The following RUFY3 variants were observed in gnomAD, a reference collection of about 807,000 sequenced individuals.
RUFY3 encodes RUN and FYVE domain containing 3.
A neutral mutation model predicts 84.0 loss-of-function variants in RUFY3; 34 were observed. The ratio of observed to expected loss-of-function variants is 0.40; its 90% CI spans 0.31 to 0.54. The LOEUF is 0.54. RUFY3 is among the 20% of genes least tolerant of loss of function. The pLI is 0.39. For missense variants in RUFY3, 507 were observed against 736.8 expected, an observed-to-expected ratio of 0.69 and a Z score of 3.61; for synonymous variants, 242 against 252.9, an observed-to-expected ratio of 0.96 and a Z score of 0.41.
At chr4:70,758,571 A>G (rs923839185) in intron 1 of RUFY3, among the ~76,000 whole-genome samples, 1 of 152,108 alleles carries the variant, frequency 6.6e-6, no homozygotes, top group African/African-American at 2.4e-5. Flanking sequence ...TCTTTTTAAA[A>G]TTTTTGATGT....
At chr4:70,778,704 C>T (rs1476819040) in intron 8 of RUFY3, among the ~76,000 whole-genome samples, 7 of 151,714 alleles carry the variant, frequency 4.6e-5, no homozygotes, top group African/African-American at 7.3e-5. Flanking sequence ...CTCAGCCTCC[C>T]GAGTAGCTGG....
intron 1 of RUFY3, among the ~76,000 whole-genome samples, chr4:70,742,171 A>G (rs1031012918): frequency 6.6e-6 from 1 of 152,104 alleles, no homozygotes; most frequent in African/African-American, 2.4e-5. Context: ...TCTTCTTCAT[A>G]CAAGAGACTG....
chr4:70,708,702 A>G (rs529630699), intron 1 of RUFY3, among the ~76,000 whole-genome samples: 31 of 152,302 alleles, frequency 2.0e-4, no homozygotes, highest in African/African-American at 7.2e-4. Flanking sequence ...ATTAAATTTT[A>G]CATTTGAGTT....
At chr4:70,779,247 G>A (rs1311238643) in intron 8 of RUFY3, among the ~76,000 whole-genome samples, 3 of 152,280 alleles carry the variant, frequency 2.0e-5, no homozygotes, top group South Asian at 4.1e-4. Flanking sequence ...TACAAATCAT[G>A]CTTATGTAAC....
At chr4:70,768,491 T>G in intron 4 of RUFY3, 47 bp from the exon 5 acceptor site, 6 of 1,596,594 alleles carry the variant, frequency 3.8e-6, no homozygotes, top group Non-Finnish European at 5.1e-6. Flanking sequence ...TCTCTGGATT[T>G]TTGAGATTTT....
intron 1 of RUFY3, among the ~76,000 whole-genome samples, chr4:70,754,924 AC>A (rs1184648779): frequency 6.9e-6 from 1 of 145,542 alleles, no homozygotes; most frequent in African/African-American, 2.6e-5. Flanking sequence ...TTTTCTTGAG[AC>A]GGGGGTATCA....
chr4:70,762,751 A>C (rs1264585998), intron 2 of RUFY3, 59 bp downstream of exon 2: 38 of 1,388,230 alleles, frequency 2.7e-5, no homozygotes, highest in Non-Finnish European at 3.5e-5. Flanking sequence ...AATGCATACT[A>C]TAGAAGAAAG....
intron 7 of RUFY3, among the ~76,000 whole-genome samples, chr4:70,776,618 C>A (rs185598179): frequency 2.9e-4 from 44 of 151,826 alleles, no homozygotes; most frequent in Middle Eastern, 3.4e-3. Context: ...ACTAAAAATA[C>A]AAAAAAAATT....
chr4:70,776,260 T>C (rs1727949524), intron 7 of RUFY3, among the ~76,000 whole-genome samples: 1 of 152,180 alleles, frequency 6.6e-6, no homozygotes, highest in African/African-American at 2.4e-5. Flanking sequence ...AATAATAAAA[T>C]AAAACAACTT....
chr4:70,745,141 T>G, intron 1 of RUFY3, among the ~76,000 whole-genome samples: 1 of 151,384 alleles, frequency 6.6e-6, no homozygotes, highest in East Asian at 2.0e-4. Flanking sequence ...AGATGGAGTT[T>G]CACCATGTTT....
chr4:70,740,578 C>T (rs1439589311), intron 1 of RUFY3, among the ~76,000 whole-genome samples: 3 of 152,144 alleles, frequency 2.0e-5, no homozygotes, highest in Non-Finnish European at 2.9e-5. Context: ...CCTCTATTGA[C>T]TTTTGCAAGG....
chr4:70,799,082 C>T (rs1464400493), intron 14 of RUFY3, among the ~76,000 whole-genome samples: 3 of 144,884 alleles, frequency 2.1e-5, no homozygotes, highest in Non-Finnish European at 3.0e-5. Context: ...GAGGCAGAGG[C>T]TGCAGTGAGC....
At chr4:70,705,414 G>A (rs1405636362) in intron 1 of RUFY3, 7 of 668,764 alleles carry the variant, frequency 1.0e-5, no homozygotes, top group African/African-American at 1.9e-5. Context: ...GTGGCCGGGA[G>A]GCGGGGGCTT....
intron 8 of RUFY3, among the ~76,000 whole-genome samples, chr4:70,782,344 T>C (rs902702283): frequency 1.3e-5 from 2 of 150,302 alleles, no homozygotes; most frequent in Non-Finnish European, 3.0e-5. Context: ...TGGAGTGCAG[T>C]GGCGCGATCT....
intron 11 of RUFY3, among the ~76,000 whole-genome samples, 189 bp downstream of exon 11, chr4:70,789,162 A>T (rs549272445): frequency 6.5e-4 from 99 of 152,290 alleles, no homozygotes; most frequent in African/African-American, 2.3e-3. Flanking sequence ...GTTCTAGAAA[A>T]CCATGGCCAC....
intron 1 of RUFY3, among the ~76,000 whole-genome samples, chr4:70,707,879 G>A (rs1156815197): frequency 1.3e-5 from 2 of 152,174 alleles, no homozygotes; most frequent in Non-Finnish European, 2.9e-5. Flanking sequence ...AAAGTTCCTT[G>A]TTACCCTGCA....
intron 1 of RUFY3, among the ~76,000 whole-genome samples, chr4:70,750,896 C>T (rs1578079453): frequency 6.6e-6 from 1 of 152,114 alleles, no homozygotes; most frequent in Non-Finnish European, 1.5e-5. Flanking sequence ...AAGGGTTATC[C>T]ATGTTGTAGC....
intron 1 of RUFY3, among the ~76,000 whole-genome samples, chr4:70,754,603 A>G (rs1054231796): frequency 6.6e-6 from 1 of 151,430 alleles, no homozygotes; most frequent in Non-Finnish European, 1.5e-5. Context: ...TCATCAGGCT[A>G]ACTAAATGGT....
Position 70,773,568 on chromosome 4 carries a change from G to A in RUFY3, c.754G>A (p.Glu252Lys), listed in dbSNP as rs748059452. ...LKDGNSSKGT[E>K]GDGQITAILD... Reference sequence around the variant, plus strand: ...GGACGGGAACAGCAGTAAAGGTACTGAAGGGTACGTACAAAGAAAATTAGA... The same window carrying A: ...GGACGGGAACAGCAGTAAAGGTACTAAAGGGTACGTACAAAGAAAATTAGA... The change falls in exon 6 of 18, where the codon GAA (glutamate) becomes AAA (lysine). Residue 252 changes from glutamate (E) to lysine (K), a missense_variant. By Grantham distance (56) the Glu-to-Lys change is moderately conservative. Around this residue, in one of 4 missense-constraint regions of RUFY3, gnomAD observed 23 missense variants for 17.0 expected, o/e 1.36. Coordinates refer to ENST00000381006, the MANE Select transcript of RUFY3 (RefSeq NM_001037442.4). The A allele has an allele frequency of 2.8e-5, 45 of 1,607,188 alleles. No individual in the cohort carries two copies. The highest frequency in any genetic ancestry group is 3.7e-5 in the Non-Finnish European group (43 of 1,173,974).
Sources: allele counts gnomAD v4.1 joint callset (sites outside exome capture counted in the v4.1 genomes callset), GRCh38; gene constraint gnomAD v4.1.1; regional missense constraint gnomAD v4.1.1; transcripts MANE v1.5; gene names NCBI Gene and HGNC (gene_info 2026-07-23, HGNC 2026-07-21).